PEAK1: variants seen among roughly 807,000 people sequenced by gnomAD.
PEAK1 encodes inactive tyrosine-protein kinase PEAK1.
PEAK1 carries 54 observed loss-of-function variants against 124.7 expected under a neutral mutation model. The observed-to-expected ratio is 0.43, with a 90% CI of 0.35 to 0.54. The LOEUF is 0.54. Among genes scored for constraint, PEAK1 ranks in the 20% least tolerant of loss-of-function variants. PEAK1 has a pLI of 0.01. For synonymous variants in PEAK1, 719 were observed against 760.0 expected (o/e 0.95, Z 0.89); for missense variants, 2,046 against 2,134.5 (o/e 0.96, Z 0.82).
chr15:77,402,937 T>C (rs1442980763), intron 1 of PEAK1: 30 of 985,336 alleles, frequency 3.0e-5, no homozygotes, highest in Non-Finnish European at 3.6e-5. Context: ...AAAAAGCTTA[T>C]GTTTTCATGA....
Position 77,198,467 on chromosome 15 carries a change from T to C in PEAK1, c.-114-16427A>G, listed in dbSNP as rs113902905. On this transcript the variant is annotated intron_variant, in intron 6 of 9. Transcript: ENST00000682557. Reference sequence around the variant, plus strand: ...AAGCTGAATTGCTTGTTATGTACTGTAGTTTGAGGTCTGTAGCTTTAACTG... The same window carrying C: ...AAGCTGAATTGCTTGTTATGTACTGCAGTTTGAGGTCTGTAGCTTTAACTG... Among the ~76,000 whole-genome samples the C allele has an allele frequency of 8.1e-3, 1,229 of 152,264 alleles. 18 individuals are homozygous for C. The highest frequency in any genetic ancestry group is 0.028 in the African/African-American group (1,172 of 41,524).
At chr15:77,227,592 A>G (rs1294414361) in intron 6 of PEAK1, among the ~76,000 whole-genome samples, 1 of 152,206 alleles carries the variant, frequency 6.6e-6, no homozygotes, top group African/African-American at 2.4e-5. Context: ...AATGAGATTT[A>G]AACACTTTAG....
At chr15:77,358,592 C>G (rs1440537370) in intron 2 of PEAK1, among the ~76,000 whole-genome samples, 1 of 152,190 alleles carries the variant, frequency 6.6e-6, no homozygotes, top group Admixed American at 6.5e-5. Context: ...CGGCTCTCCA[C>G]TGAGCATTGG....
chr15:77,156,800 T>C lies in PEAK1; in HGVS notation c.3331+1703A>G, dbSNP rs567328751. Reference sequence around the variant, plus strand: ...GTCTAGAAGATATTATAATTTCTGATATATTATGCTGTCTGAGGGTATACA... The same window carrying C: ...GTCTAGAAGATATTATAATTTCTGACATATTATGCTGTCTGAGGGTATACA... On this transcript the variant is annotated intron_variant, in intron 8 of 9. Transcript: ENST00000682557. 2.0e-5 allele frequency: 3 copies of C among 152,362 alleles called. No homozygotes were observed. The East Asian group carries it at 5.8e-4, about 29-fold the overall frequency. 9.4% of individuals were successfully genotyped at this position (152,362 alleles called of 1,614,324 possible).
chr15:77,110,086 A>G lies in PEAK1; in HGVS notation c.*4070T>C, dbSNP rs978378138. 3.3e-5 allele frequency: 5 copies of G among 152,140 alleles called. No individual in the cohort carries two copies. Among genetic ancestry groups the G allele is most frequent in the Non-Finnish European group, 7.4e-5 (5 of 68,016 alleles). The allele number at this position is 152,140 out of a possible 1,614,324, so 9.4% of individuals were successfully genotyped here. ...AAAATTGAGACGCTTAGTAGGACCC[A>G]AAGATCTTTCCTGGAAACTTTTTTT... is the stretch of plus-strand genomic sequence containing the variant. On this transcript the variant is annotated 3_prime_UTR_variant, in exon 10 of 10. Coordinates refer to ENST00000682557, the MANE Select transcript of PEAK1 (RefSeq NM_001385026.1).
Position 77,321,328 on chromosome 15 carries a change from C to T in PEAK1, c.-602-34824G>A, listed in dbSNP as rs545892668. Among the ~76,000 whole-genome samples the T allele has an allele frequency of 9.9e-5, 15 of 152,254 alleles. No individual in the cohort carries two copies. The East Asian group carries it at 2.9e-3, about 29-fold the overall frequency. ...ACATCCTCTCCAGCGCCTGTTGTTTCCTGACTTTTTAATGATCGCCATTCT... is the reference window on the plus strand; with the variant it reads ...ACATCCTCTCCAGCGCCTGTTGTTTTCTGACTTTTTAATGATCGCCATTCT... On this transcript the variant is annotated intron_variant, in intron 2 of 9. Coordinates refer to ENST00000682557, the MANE Select transcript of PEAK1 (RefSeq NM_001385026.1).
chr15:77,343,482 CTTTTTTTT>C (rs60121928), intron 2 of PEAK1, among the ~76,000 whole-genome samples: 13 of 97,952 alleles, frequency 1.3e-4, no homozygotes, highest in African/African-American at 4.2e-4. Flanking sequence ...GTCCAACTTA[CTTTTTTTT>C]TTTTTTTTTT....
chr15:77,198,544 G>C (rs547050037), intron 6 of PEAK1, among the ~76,000 whole-genome samples: 4 of 152,162 alleles, frequency 2.6e-5, no homozygotes, highest in Non-Finnish European at 5.9e-5. Context: ...ATAAAAAACA[G>C]AAAATGAAGT....
chr15:77,258,935 AG>A lies in PEAK1; in HGVS notation c.-274-6410del, dbSNP rs568518196. Among the ~76,000 whole-genome samples, 502 of 152,254 alleles carry A rather than the reference AG, an allele frequency of 3.3e-3. 3 individuals carry two copies. Among genetic ancestry groups the A allele is most frequent in the African/African-American group, 0.011 (475 of 41,542 alleles). ...AATTTATTGAGAGTTTTTAGCATGA[AG>A]GGTTGTTGAATTTTGTCAAAGGCCT... On this transcript the variant is annotated intron_variant, in intron 5 of 9. Coordinates refer to ENST00000682557, the MANE Select transcript of PEAK1 (RefSeq NM_001385026.1).
At chr15:77,263,279 C>G (rs1160326288) in intron 5 of PEAK1, among the ~76,000 whole-genome samples, 1 of 151,938 alleles carries the variant, frequency 6.6e-6, no homozygotes, top group African/African-American at 2.4e-5. Context: ...GAAATAGACA[C>G]ATAAAAAACA....
At chr15:77,366,043 A>T (rs1346326330) in intron 1 of PEAK1, among the ~76,000 whole-genome samples, 1 of 152,226 alleles carries the variant, frequency 6.6e-6, no homozygotes, top group Non-Finnish European at 1.5e-5. Context: ...ATGAAATTAA[A>T]ATGAGATATC....
chr15:77,394,114 T>C (rs1304139326), intron 1 of PEAK1, among the ~76,000 whole-genome samples: 1 of 152,126 alleles, frequency 6.6e-6, no homozygotes, highest in Non-Finnish European at 1.5e-5. Context: ...CGCATTAGAA[T>C]AGAGCATCAG....
intron 2 of PEAK1, among the ~76,000 whole-genome samples, chr15:77,325,223 T>C (rs1201821920): frequency 1.3e-5 from 2 of 152,050 alleles, no homozygotes; most frequent in Non-Finnish European, 2.9e-5. Flanking sequence ...TGGGACCAGC[T>C]TGGGCAACAT....
chr15:77,160,864 T>C (rs973954517), intron 7 of PEAK1, among the ~76,000 whole-genome samples: 3 of 152,126 alleles, frequency 2.0e-5, no homozygotes, highest in Non-Finnish European at 4.4e-5. Context: ...CCTTCCCATT[T>C]GTCAAAAAGG....
At chr15:77,349,248 C>T in intron 2 of PEAK1, 1 of 506,920 alleles carries the variant, frequency 2.0e-6, no homozygotes, top group Non-Finnish European at 2.5e-6. Flanking sequence ...ACCATGTTAC[C>T]CAGGATGGTC....
chr15:77,138,178 G>A (rs376388466), intron 8 of PEAK1, among the ~76,000 whole-genome samples: 2 of 152,106 alleles, frequency 1.3e-5, no homozygotes, highest in African/African-American at 2.4e-5. Context: ...TATCAGCAGC[G>A]TGAAAATGGA....
At chr15:77,342,053 T>C (rs1217616922) in intron 2 of PEAK1, among the ~76,000 whole-genome samples, 2 of 152,008 alleles carry the variant, frequency 1.3e-5, no homozygotes, top group Non-Finnish European at 2.9e-5. Flanking sequence ...ACTTAAGGGC[T>C]TTTAGTAATC....
At chr15:77,207,134 A>G (rs1271164485) in intron 6 of PEAK1, among the ~76,000 whole-genome samples, 1 of 152,226 alleles carries the variant, frequency 6.6e-6, no homozygotes, top group Non-Finnish European at 1.5e-5. Flanking sequence ...TTAAAGACTT[A>G]AACGTTAGAT....
At chr15:77,152,088 A>T (rs1315015224) in intron 8 of PEAK1, among the ~76,000 whole-genome samples, 1 of 152,128 alleles carries the variant, frequency 6.6e-6, no homozygotes, top group Non-Finnish European at 1.5e-5. Context: ...CAGTATGGCC[A>T]TTTTCACGAT....
Sources: gnomAD v4.1 joint callset for allele counts (sites outside exome capture counted in the v4.1 genomes callset) on GRCh38, gnomAD v4.1.1 for gene constraint, MANE v1.5 for transcripts, NCBI Gene and HGNC (gene_info 2026-07-23, HGNC 2026-07-21) for gene names.